Variants in RBFOX1 observed in about 807,000 individuals in gnomAD.
RBFOX1 encodes RNA binding fox-1 homolog 1, also known as RNA binding protein fox-1 homolog 1.
A neutral mutation model predicts 57.7 loss-of-function variants in RBFOX1; 8 were observed. The ratio of observed to expected loss-of-function variants is 0.14; its 90% CI spans 0.08 to 0.25. RBFOX1 has a LOEUF of 0.25. Ranked by LOEUF, RBFOX1 falls within the 10% of genes least tolerant of loss-of-function variation. The pLI is 1.00. For synonymous variants in RBFOX1, 326 were observed against 222.4 expected, an observed-to-expected ratio of 1.47 and a Z score of -4.15; for missense variants, 611 against 548.5, an observed-to-expected ratio of 1.11 and a Z score of -1.14.
In RBFOX1 at chr16:6,097,598, C is replaced by G. The variant is rs566375899; in HGVS notation, c.-127+77606C>G. On this transcript the variant is annotated intron_variant, in intron 1 of 15. Coordinates refer to ENST00000550418, the MANE Select transcript of RBFOX1 (RefSeq NM_018723.4). This position sits in a 1 kb window ranked among gnomAD's most constrained non-coding sequence, Gnocchi z 5.0. ...AGGGAGACCTCACTTTCATTATTCT[C>G]ATTTCACAGATGAGAAAAATGAGTC... Among the ~76,000 whole-genome samples, 1 of 152,144 alleles carries G rather than the reference C, an allele frequency of 6.6e-6. No homozygotes were observed. The highest frequency in any genetic ancestry group is 2.4e-5 in the African/African-American group (1 of 41,430).
chr16:7,375,312 G>A (rs1236771889), intron 4 of RBFOX1, among the ~76,000 whole-genome samples: 3 of 152,046 alleles, frequency 2.0e-5, no homozygotes, highest in African/African-American at 4.8e-5. Context: ...TTAGTCTCAA[G>A]GTAATACAAG....
At position 6,195,284 on chromosome 16, in the gene RBFOX1, G is replaced by A. The variant is rs192000569; in HGVS notation, c.-126-121711G>A. ...TGCCTTGTAAGCCAGTCTTATTATA[G>A]CATTTGTGCTGTGCCTCCATTTTAA... On this transcript the variant is annotated intron_variant, in intron 1 of 15. Transcript: ENST00000550418. 4.6e-5 allele frequency among the ~76,000 whole-genome samples: 7 copies of A among 152,220 alleles called. No homozygotes were observed. In the East Asian group the frequency reaches 9.7e-4, roughly 21 times the overall value.
chr16:7,686,596 T>A (rs1050038489), intron 14 of RBFOX1, among the ~76,000 whole-genome samples: 1 of 152,148 alleles, frequency 6.6e-6, no homozygotes, highest in Non-Finnish European at 1.5e-5. Flanking sequence ...AGCCAATTTT[T>A]CTACCAATAA....
intron 3 of RBFOX1, among the ~76,000 whole-genome samples, chr16:6,767,196 C>G (rs1254477282): frequency 6.6e-6 from 1 of 152,058 alleles, no homozygotes; most frequent in Non-Finnish European, 1.5e-5. Flanking sequence ...GAACCTAAAC[C>G]TAGCCAGCTG....
chr16:7,494,995 C>G (rs528481311), intron 4 of RBFOX1, among the ~76,000 whole-genome samples: 9 of 152,092 alleles, frequency 5.9e-5, no homozygotes, highest in South Asian at 2.1e-4. Context: ...AGTAGTCCCC[C>G]GTGTCTGTTG....
At chr16:6,263,266 C>G (rs2097712619) in intron 1 of RBFOX1, among the ~76,000 whole-genome samples, 1 of 152,024 alleles carries the variant, frequency 6.6e-6, no homozygotes, top group South Asian at 2.1e-4. Flanking sequence ...CTTAGTCACC[C>G]CAGTCTTAGC....
intron 3 of RBFOX1, among the ~76,000 whole-genome samples, chr16:6,835,509 T>C (rs2093028494): frequency 6.6e-6 from 1 of 151,964 alleles, no homozygotes; most frequent in African/African-American, 2.4e-5. Context: ...CCCAGCACTT[T>C]GGGAGTCCAA....
At chr16:5,876,272 CCTTAT>C (rs915990347) in intron 4 of RBFOX1, among the ~76,000 whole-genome samples, 25 of 148,842 alleles carry the variant, frequency 1.7e-4, no homozygotes, top group African/African-American at 6.0e-4. Context: ...ATTCCGCCTG[CCTTAT>C]CTTATTTAAT....
At chr16:7,632,359 G>A (rs147378473) in intron 11 of RBFOX1, among the ~76,000 whole-genome samples, 80 of 152,312 alleles carry the variant, frequency 5.3e-4, no homozygotes, top group African/African-American at 1.9e-3. Flanking sequence ...CTTGGGGCCA[G>A]TGTAAATGTG....
At chr16:6,589,975 C>G (rs951975254) in intron 2 of RBFOX1, among the ~76,000 whole-genome samples, 2 of 152,218 alleles carry the variant, frequency 1.3e-5, no homozygotes, top group African/African-American at 4.8e-5. Flanking sequence ...CCACAATTTC[C>G]AGTCACTCCT....
intron 1 of RBFOX1, among the ~76,000 whole-genome samples, chr16:6,029,490 A>G (rs565450659): frequency 6.6e-6 from 1 of 152,286 alleles, no homozygotes; most frequent in South Asian, 2.1e-4. Flanking sequence ...AAAGAAAAAC[A>G]TGGCCGGGCG....
chr16:5,273,870 C>G (rs2063077506), intron 1 of RBFOX1, among the ~76,000 whole-genome samples: 1 of 152,088 alleles, frequency 6.6e-6, no homozygotes, highest in Admixed American at 6.5e-5. Context: ...CTTACATAAG[C>G]CCATGGAGAA....
At chr16:5,756,523 T>A (rs1478307889) in intron 3 of RBFOX1, among the ~76,000 whole-genome samples, 1 of 152,096 alleles carries the variant, frequency 6.6e-6, no homozygotes, top group Non-Finnish European at 1.5e-5. Flanking sequence ...TTGTCTCACA[T>A]CCAGGGGCCA....
chr16:7,197,871 C>G (rs2087146257), intron 4 of RBFOX1, among the ~76,000 whole-genome samples: 1 of 152,014 alleles, frequency 6.6e-6, no homozygotes. Context: ...GGAAAATTCA[C>G]AGAGACAGAA....
intron 3 of RBFOX1, among the ~76,000 whole-genome samples, chr16:5,856,510 A>C (rs890840060): frequency 2.9e-4 from 35 of 122,432 alleles, no homozygotes; most frequent in African/African-American, 1.0e-3. Context: ...GTGCATTTTG[A>C]CCAACATCTC....
At chr16:6,798,554 C>T (rs1186264872) in intron 3 of RBFOX1, among the ~76,000 whole-genome samples, 1 of 152,182 alleles carries the variant, frequency 6.6e-6, no homozygotes, top group Non-Finnish European at 1.5e-5. Flanking sequence ...ATTCTAACTG[C>T]AGCCATGCTA....
At chr16:7,287,077 T>A (rs1357475528) in intron 4 of RBFOX1, among the ~76,000 whole-genome samples, 1 of 152,172 alleles carries the variant, frequency 6.6e-6, no homozygotes, top group East Asian at 1.9e-4. Context: ...TTAACTTTGT[T>A]CCAAGATCAT....
intron 1 of RBFOX1, among the ~76,000 whole-genome samples, chr16:6,173,604 C>CTTTTTTTTTTTTTTTTTTGTT (rs2096978926): frequency 1.4e-5 from 1 of 70,948 alleles, no homozygotes; most frequent in African/African-American, 5.9e-5. Flanking sequence ...TGACCACTCC[C>CTTTTTTTTTTTTTTTTTTGTT]TTTTTTTTTT....
At chr16:7,637,958 G>C (rs1283521519) in intron 11 of RBFOX1, among the ~76,000 whole-genome samples, 3 of 152,072 alleles carry the variant, frequency 2.0e-5, no homozygotes, top group African/African-American at 7.2e-5. Context: ...TTTTCCTTTT[G>C]GAGCCTTAAG....
Sources: gnomAD v4.1 joint callset for allele counts (sites outside exome capture counted in the v4.1 genomes callset) on GRCh38, gnomAD v4.1.1 for gene constraint, Gnocchi (gnomAD v3.1) non-coding constraint, MANE v1.5 for transcripts, NCBI Gene and HGNC (gene_info 2026-07-23, HGNC 2026-07-21) for gene names.